The following PGM3 variants were observed in gnomAD, a reference collection of about 807,000 sequenced individuals.
PGM3 encodes the protein phosphoacetylglucosamine mutase.
A neutral mutation model predicts 66.2 loss-of-function variants in PGM3; 40 were observed. The ratio of observed to expected loss-of-function variants is 0.60; its 90% CI spans 0.47 to 0.79. PGM3 has a LOEUF of 0.79. PGM3 is among the 30% of genes least tolerant of loss of function. The pLI, the probability that PGM3 is intolerant of heterozygous loss-of-function variation, is 0.00. For missense variants in PGM3, 537 were observed against 643.4 expected (o/e 0.83, Z 1.79); for synonymous variants, 191 against 224.2 (o/e 0.85, Z 1.32).
downstream of PGM3, chr6:83,157,107 A>G (rs1422641199): frequency 2.1e-6 from 3 of 1,444,878 alleles, no homozygotes; most frequent in Non-Finnish European, 2.8e-6. Flanking sequence ...GTTTGAGAGT[A>G]CTGGACCGAC....
Position 83,166,033 on chromosome 6 carries a change from C to A in PGM3, c.*3201G>T. 8 of 279,192 alleles carry A rather than the reference C, an allele frequency of 2.9e-5. No homozygotes were observed. In the South Asian group the frequency reaches 3.8e-4, roughly 13 times the overall value. The allele number at this position is 279,192 out of a possible 1,614,324, so 17.3% of individuals were successfully genotyped here. Reference sequence around the variant, plus strand: ...CTTTCAGTCCAGCCACTGAGCTGGTCATCGCCAGTTGTCGTATAAAATCCA... The same window carrying A: ...CTTTCAGTCCAGCCACTGAGCTGGTAATCGCCAGTTGTCGTATAAAATCCA... On this transcript the variant is annotated 3_prime_UTR_variant, in exon 13 of 13. Transcript: ENST00000513973.
In PGM3 at chr6:83,170,420, G is replaced by A; in HGVS notation, c.1424C>T (p.Pro475Leu). 6.2e-7 allele frequency: 1 copy of A among 1,613,968 alleles called. No individual in the cohort carries two copies. Among genetic ancestry groups the A allele is most frequent in the East Asian group, 2.2e-5 (1 of 44,874 alleles). Reference protein sequence around the residue: ...TDAERQAVTPPGLQEAINDLV... With the variant: ...TDAERQAVTPLGLQEAINDLV... Reference sequence around the variant, plus strand: ...GTCATTGATTGCCTCCTGTAATCCTGGGGGTGTAACTGCTTGTCTTTCAGC... The same window carrying A: ...GTCATTGATTGCCTCCTGTAATCCTAGGGGTGTAACTGCTTGTCTTTCAGC... Residue 475 changes from proline (P) to leucine (L), a missense_variant, in exon 12 of 13, where the codon CCA becomes CTA. Transcript: ENST00000513973.
At chr6:83,148,955 G>A in the PGM3 span, 15 of 706,586 alleles carry the variant, frequency 2.1e-5, no homozygotes, top group East Asian at 3.4e-5. Context: ...TTAGGTGACA[G>A]TGATCTCTCT....
At chr6:83,154,390 T>C in the PGM3 span, 1 of 651,662 alleles carries the variant, frequency 1.5e-6, no homozygotes, top group African/African-American at 1.8e-5. Context: ...GAAAGCACAC[T>C]ACTTTCTGTA....
chr6:83,182,607 T>C (rs1461100848), intron 5 of PGM3, among the ~76,000 whole-genome samples: 2 of 152,176 alleles, frequency 1.3e-5, no homozygotes, highest in East Asian at 3.8e-4. Flanking sequence ...ACCCCCACCA[T>C]GTTTGCTTCC....
downstream of PGM3, among the ~76,000 whole-genome samples, chr6:83,161,566 G>A (rs1013369967): frequency 6.6e-6 from 1 of 152,130 alleles, no homozygotes; most frequent in Admixed American, 6.5e-5. Flanking sequence ...GAGCCAATGA[G>A]CAAGACAGTT....
At chr6:83,184,041 C>A (rs1487566910) in intron 4 of PGM3, among the ~76,000 whole-genome samples, 1 of 151,944 alleles carries the variant, frequency 6.6e-6, no homozygotes, top group Non-Finnish European at 1.5e-5. Flanking sequence ...TAAAGTGAAC[C>A]CAGCCAGTGC....
chr6:83,191,079 A>G, intron 1 of PGM3, 65 bp from the exon 2 acceptor site: 1 of 1,527,908 alleles, frequency 6.5e-7, no homozygotes, highest in East Asian at 2.3e-5. Flanking sequence ...TTTGCTTCAA[A>G]AACTGCCACC....
chr6:83,166,721 C>CAAT lies in PGM3; in HGVS notation c.*2510_*2512dup, dbSNP rs1333425660. 1 of 1,201,294 alleles carries CAAT rather than the reference C, an allele frequency of 8.3e-7. No homozygotes were observed. Among genetic ancestry groups the CAAT allele is most frequent in the African/African-American group, 1.6e-5 (1 of 63,730 alleles). The allele number at this position is 1,201,294 out of a possible 1,614,324, so 74.4% of individuals were successfully genotyped here. On this transcript the variant is annotated 3_prime_UTR_variant, in exon 13 of 13. Transcript: ENST00000513973. ...TTTCAGGATTTTACTTTAAAATAAG[C>CAAT]AATAAGCTTGAGAGCACATAGAAGA...
intron 4 of PGM3, among the ~76,000 whole-genome samples, chr6:83,186,714 A>C (rs1437851764): frequency 2.0e-5 from 3 of 152,198 alleles, no homozygotes; most frequent in Non-Finnish European, 4.4e-5. Flanking sequence ...CAAGTACTTA[A>C]AAAGGTTTTT....
chr6:83,153,333 AT>A, the PGM3 span: 1 of 438,918 alleles, frequency 2.3e-6, no homozygotes, highest in Non-Finnish European at 4.0e-6. Context: ...TATAGTAACA[AT>A]GTACAAAAAA....
downstream of PGM3, chr6:83,159,684 A>C (rs978709288): frequency 2.2e-5 from 26 of 1,179,580 alleles, no homozygotes; most frequent in African/African-American, 3.1e-5. Context: ...AATTACTGGC[A>C]CATTTATCTC....
At chr6:83,173,987 T>C (rs1489065451) in intron 10 of PGM3, among the ~76,000 whole-genome samples, 7 of 151,816 alleles carry the variant, frequency 4.6e-5, no homozygotes, top group South Asian at 4.2e-4. Flanking sequence ...CCGCCCTCCT[T>C]GGCCTCCCAA....
downstream of PGM3, chr6:83,159,726 T>C: frequency 6.4e-7 from 1 of 1,563,800 alleles, no homozygotes; most frequent in Non-Finnish European, 8.8e-7. Context: ...AGCTGGTACT[T>C]TTAGATCTTT....
At chr6:83,158,280 T>C (rs533316356), downstream of PGM3, among the ~76,000 whole-genome samples, 6 of 152,156 alleles carry the variant, frequency 3.9e-5, no homozygotes, top group South Asian at 8.3e-4. Context: ...GGATTACAGG[T>C]GTGAGCCACC....
intron 9 of PGM3, among the ~76,000 whole-genome samples, chr6:83,175,732 C>T (rs760485157): frequency 2.6e-5 from 4 of 152,120 alleles, no homozygotes; most frequent in Non-Finnish European, 4.4e-5. Context: ...TTTTAAAAAA[C>T]TATTCAAAAC....
rs1353338984 is a variant in PGM3, at chr6:83,168,871, T to C, written c.*363A>G. On this transcript the variant is annotated 3_prime_UTR_variant, in exon 13 of 13. Transcript: ENST00000513973. ...TGGGGAATGCTGCAAAACATCATCTTGCTCATGTGATGGTGATGGCAAAGA... is the reference window on the plus strand; with the variant it reads ...TGGGGAATGCTGCAAAACATCATCTCGCTCATGTGATGGTGATGGCAAAGA... The C allele has an allele frequency of 9.5e-7, 1 of 1,048,750 alleles. No homozygotes were observed. Among genetic ancestry groups the C allele is most frequent in the Non-Finnish European group, 1.2e-6 (1 of 867,558 alleles). 65.0% of individuals were successfully genotyped at this position (1,048,750 alleles called of 1,614,324 possible).
In PGM3 at chr6:83,169,218, A is replaced by G. The variant is rs890838076; in HGVS notation, c.*16T>C. The G allele has an allele frequency of 6.2e-6, 10 of 1,613,820 alleles. No individual in the cohort carries two copies. In the East Asian group the frequency reaches 6.7e-5, roughly 11 times the overall value. On this transcript the variant is annotated 3_prime_UTR_variant, in exon 13 of 13. Transcript: ENST00000513973. The stretch of plus-strand genomic sequence containing the variant: ...CTTGTAAAAAGTCCAGTTTCTCAGG[A>G]ATATGAAAATTATCTTCAGAAACCT...
intron 1 of PGM3, among the ~76,000 whole-genome samples, chr6:83,192,884 C>T (rs1316703746): frequency 2.0e-5 from 3 of 152,182 alleles, no homozygotes; most frequent in Non-Finnish European, 4.4e-5. Flanking sequence ...TGGTGCCTCT[C>T]TCCCGCCTAC....
Sources: gnomAD v4.1 joint callset for allele counts (sites outside exome capture counted in the v4.1 genomes callset) on GRCh38, gnomAD v4.1.1 for gene constraint, MANE v1.5 for transcripts, NCBI Gene and HGNC (gene_info 2026-07-23, HGNC 2026-07-21) for gene names.